Variants in TSC22D3 observed in about 807,000 individuals in gnomAD.
The protein encoded by TSC22D3 is TSC22 domain family member 3.
A neutral mutation model predicts 11.1 loss-of-function variants in TSC22D3; 4 were observed. That is an observed-to-expected ratio of 0.36 (90% confidence interval 0.18 to 0.83). The LOEUF is 0.83. Ranked by LOEUF, TSC22D3 falls within the 40% of genes least tolerant of loss-of-function variation. TSC22D3 has a pLI of 0.48. For missense variants in TSC22D3, 118 were observed against 159.4 expected (o/e 0.74, Z 1.40); for synonymous variants, 77 against 70.3 (o/e 1.10, Z -0.48).
intron 1 of TSC22D3, among the ~76,000 whole-genome samples, chrX:107,752,714 G>A (rs1271491109): frequency 9.0e-6 from 1 of 111,326 alleles, no homozygotes; most frequent in African/African-American, 3.3e-5. Context: ...ATGGATGAGA[G>A]CCCTAAAGAT....
At chrX:107,734,493 C>T (rs1415001246) in intron 1 of TSC22D3, among the ~76,000 whole-genome samples, 1 of 112,021 alleles carries the variant, frequency 8.9e-6, no homozygotes, top group Non-Finnish European at 1.9e-5. Context: ...GGTGGCAACG[C>T]ATGGTCTCAT....
intron 1 of TSC22D3, among the ~76,000 whole-genome samples, chrX:107,735,156 T>A (rs1928073150): frequency 9.0e-6 from 1 of 111,282 alleles, no homozygotes; most frequent in Non-Finnish European, 1.9e-5. Flanking sequence ...GGGTTTTTTT[T>A]TTCACTCCAT....
At chrX:107,770,727 G>A (rs1290299408) in intron 1 of TSC22D3, among the ~76,000 whole-genome samples, 1 of 111,782 alleles carries the variant, frequency 8.9e-6, no homozygotes, top group Admixed American at 9.5e-5. Context: ...AAAAATTTGA[G>A]GTTACAGCAA....
chrX:107,717,405 A>G (rs1454264230), intron 1 of TSC22D3, among the ~76,000 whole-genome samples: 2 of 112,620 alleles, frequency 1.8e-5, no homozygotes, highest in Non-Finnish European at 3.8e-5. Flanking sequence ...ATGGCTTTGC[A>G]TGCTCTCCCA....
chrX:107,714,119 C>A lies in TSC22D3; in HGVS notation c.*400G>T. The A allele has an allele frequency of 7.5e-6, 1 of 134,173 alleles. No homozygotes were observed. Among genetic ancestry groups the A allele is most frequent in the Non-Finnish European group, 1.5e-5 (1 of 66,298 alleles). 11.1% of individuals were successfully genotyped at this position (134,173 alleles called of 1,213,427 possible). A position where few individuals can be genotyped will look rare whatever the true frequency, so the allele number is the denominator to read the frequency against. On this transcript the variant is annotated 3_prime_UTR_variant, in exon 3 of 3. Transcript: ENST00000372383. ...CAAGTGGCTTCTTCATAGGAACAGTCGTTGTCAGGTGAAGCTGTTGAAGAT... is the reference window on the plus strand; with the variant it reads ...CAAGTGGCTTCTTCATAGGAACAGTAGTTGTCAGGTGAAGCTGTTGAAGAT...
Position 107,729,057 on chromosome X carries a change from C to T in TSC22D3, c.321-13107G>A, listed in dbSNP as rs142599155. On this transcript the variant is annotated intron_variant, in intron 1 of 2. Transcript: ENST00000372383. ...GCTTTAAGAGGAGTAGAGTTTAGGGCAAAGGAGATTGTTTTCTCCTTCTGT... is the reference window on the plus strand; with the variant it reads ...GCTTTAAGAGGAGTAGAGTTTAGGGTAAAGGAGATTGTTTTCTCCTTCTGT... Among the ~76,000 whole-genome samples the T allele has an allele frequency of 9.3e-3, 1,047 of 112,274 alleles. 21 individuals are homozygous for T. The highest frequency in any genetic ancestry group is 0.032 in the African/African-American group (986 of 30,906).
chrX:107,756,103 C>A (rs1209254630), intron 1 of TSC22D3, among the ~76,000 whole-genome samples: 1 of 111,773 alleles, frequency 8.9e-6, no homozygotes, highest in Non-Finnish European at 1.9e-5. Flanking sequence ...CCATACTGTA[C>A]GGCTCCTGTT....
intron 1 of TSC22D3, among the ~76,000 whole-genome samples, chrX:107,762,273 G>T (rs1037969537): frequency 1.8e-5 from 2 of 111,490 alleles, no homozygotes; most frequent in African/African-American, 6.5e-5. Flanking sequence ...GAAGATGGGG[G>T]GCCCCCTTGA....
intron 1 of TSC22D3, among the ~76,000 whole-genome samples, chrX:107,772,515 A>C (rs1268165150): frequency 4.5e-5 from 5 of 111,037 alleles, no homozygotes; most frequent in Non-Finnish European, 9.4e-5. Context: ...CAAAACCTAA[A>C]CCGAATTCAG....
chrX:107,733,677 C>T (rs1442078469), intron 1 of TSC22D3, among the ~76,000 whole-genome samples: 1 of 111,737 alleles, frequency 8.9e-6, no homozygotes, highest in Non-Finnish European at 1.9e-5. Flanking sequence ...GCCCTGACCT[C>T]GGGCCCTCTC....
intron 1 of TSC22D3, among the ~76,000 whole-genome samples, chrX:107,729,231 C>A (rs1426550237): frequency 1.8e-5 from 2 of 111,597 alleles, no homozygotes; most frequent in African/African-American, 6.5e-5. Flanking sequence ...GGTGCATCCT[C>A]CCCCAGCTCT....
At chrX:107,742,846 G>A (rs1928480373) in intron 1 of TSC22D3, among the ~76,000 whole-genome samples, 1 of 111,877 alleles carries the variant, frequency 8.9e-6, no homozygotes, top group South Asian at 3.7e-4. Context: ...CCCGCCCTGG[G>A]ATCAGTATGG....
At chrX:107,755,710 T>G (rs754465905) in intron 1 of TSC22D3, among the ~76,000 whole-genome samples, 1 of 112,682 alleles carries the variant, frequency 8.9e-6, no homozygotes, top group Non-Finnish European at 1.9e-5. Context: ...CATGTGAAAT[T>G]GCCACAGTGA....
At chrX:107,736,765 G>A (rs141282613) in intron 1 of TSC22D3, among the ~76,000 whole-genome samples, 1,773 of 110,980 alleles carry the variant, frequency 0.016, 35 homozygotes, top group African/African-American at 0.055. Flanking sequence ...AGAGTGCTTG[G>A]GCCCAGGGTC....
chrX:107,722,486 T>C (rs1202140158), intron 1 of TSC22D3, among the ~76,000 whole-genome samples: 1 of 112,295 alleles, frequency 8.9e-6, no homozygotes, highest in Non-Finnish European at 1.9e-5. Context: ...ATCACCTTCA[T>C]CACCCTAACT....
chrX:107,716,318 G>A, intron 1 of TSC22D3: 1 of 919,797 alleles, frequency 1.1e-6, no homozygotes, highest in African/African-American at 2.1e-5. Context: ...AACCTACCCG[G>A]CTCTGAAGCT....
rs759682427 is a variant in TSC22D3, at chrX:107,755,339, A to C, written c.320+19761T>G. On this transcript the variant is annotated intron_variant, in intron 1 of 2. Transcript: ENST00000372383. The stretch of plus-strand genomic sequence containing the variant: ...CTTTCTTGGAGGTGTTTGAAGATCA[A>C]CTGTCTCTGCTTGAGGCTTTTGCTA... Among the ~76,000 whole-genome samples, 7 of 112,082 alleles carry C rather than the reference A, an allele frequency of 6.2e-5. No individual in the cohort carries two copies. In the East Asian group the frequency reaches 2.0e-3, roughly 31 times the overall value.
chrX:107,748,546 T>G (rs1370123531), intron 1 of TSC22D3, among the ~76,000 whole-genome samples: 1 of 111,679 alleles, frequency 9.0e-6, no homozygotes, highest in Non-Finnish European at 1.9e-5. Flanking sequence ...TGGGGCACGG[T>G]GGGATCTTCC....
chrX:107,723,805 G>A (rs1231089095), intron 1 of TSC22D3, among the ~76,000 whole-genome samples: 1 of 112,628 alleles, frequency 8.9e-6, no homozygotes, highest in Admixed American at 9.3e-5. Flanking sequence ...GGGGCTATTG[G>A]CAATGCTTGG....
Sources: gnomAD v4.1 joint callset for allele counts (sites outside exome capture counted in the v4.1 genomes callset) on GRCh38, gnomAD v4.1.1 for gene constraint, MANE v1.5 for transcripts, NCBI Gene and HGNC (gene_info 2026-07-23, HGNC 2026-07-21) for gene names.